Variants in PHTF2 observed in about 807,000 individuals in gnomAD.
PHTF2 encodes the protein putative homeodomain transcription factor 2.
A neutral mutation model predicts 101.2 loss-of-function variants in PHTF2; 60 were observed. That is an observed-to-expected ratio of 0.59 (90% confidence interval 0.48 to 0.73). The LOEUF (loss-of-function observed/expected upper bound fraction) is 0.73. PHTF2 is among the 30% of genes least tolerant of loss of function. The pLI, the probability that PHTF2 is intolerant of heterozygous loss-of-function variation, is 0.00. For synonymous variants in PHTF2, 311 were observed against 307.3 expected, an observed-to-expected ratio of 1.01 and a Z score of -0.13; for missense variants, 747 against 908.7, an observed-to-expected ratio of 0.82 and a Z score of 2.29.
chr7:77,927,177 A>AAAAAATAT (rs1554388762), intron 11 of PHTF2, among the ~76,000 whole-genome samples: 6 of 78,158 alleles, frequency 7.7e-5, no homozygotes, highest in Non-Finnish European at 1.2e-4. Flanking sequence ...AAAAAAAAAA[A>AAAAAATAT]ATATATATAT....
At chr7:77,868,246 A>G (rs768304816) in intron 3 of PHTF2, among the ~76,000 whole-genome samples, 45 of 151,304 alleles carry the variant, frequency 3.0e-4, no homozygotes, top group Non-Finnish European at 4.7e-4. Flanking sequence ...GAGCTCAAGC[A>G]GTCTTCCTGC....
chr7:77,939,956 A>G (rs1805501700), intron 13 of PHTF2, 74 bp from the exon 13 acceptor site: 4 of 1,095,708 alleles, frequency 3.7e-6, no homozygotes, highest in Non-Finnish European at 3.9e-6. Flanking sequence ...ATTGCTATAA[A>G]TAATTCTACT....
exon 20 of PHTF2, chr7:77,956,355 GA>G (rs1237895481): frequency 6.6e-6 from 1 of 152,524 alleles, no homozygotes; most frequent in African/African-American, 2.4e-5. Context: ...AATGTGTGGA[GA>G]ACAGAGCCAT....
chr7:77,922,531 T>C, intron 10 of PHTF2, 92 bp from the exon 10 acceptor site: 1 of 932,662 alleles, frequency 1.1e-6, no homozygotes, highest in Admixed American at 2.8e-5. Context: ...GTTGTGTGTA[T>C]ATATGTATGT....
At chr7:77,825,009 G>T (rs965128200) in intron 1 of PHTF2, among the ~76,000 whole-genome samples, 1 of 152,152 alleles carries the variant, frequency 6.6e-6, no homozygotes, top group African/African-American at 2.4e-5. Context: ...CTGCATTCCA[G>T]CCTGGGTGAC....
intron 1 of PHTF2, among the ~76,000 whole-genome samples, chr7:77,813,223 T>C (rs781748388): frequency 1.3e-5 from 2 of 152,110 alleles, no homozygotes; most frequent in African/African-American, 2.4e-5. Flanking sequence ...GTGCAAAAAC[T>C]GAGCTCAGGG....
chr7:77,857,648 T>C lies in PHTF2; in HGVS notation c.147+2814T>C, dbSNP rs574452823. Reference sequence around the variant, plus strand: ...TCAAAAACCTTCCGTCACAACCATCTGATGGTAACCACCATATGAGGCAGT... The same window carrying C: ...TCAAAAACCTTCCGTCACAACCATCCGATGGTAACCACCATATGAGGCAGT... On this transcript the variant is annotated intron_variant, in intron 3 of 19. Transcript: ENST00000416283. Among the ~76,000 whole-genome samples, 6 of 152,338 alleles carry C rather than the reference T, an allele frequency of 3.9e-5. No homozygotes were observed. The East Asian group carries it at 9.6e-4, about 24-fold the overall frequency.
exon 20 of PHTF2, chr7:77,954,935 T>A: frequency 1.1e-6 from 1 of 946,840 alleles, no homozygotes; most frequent in Non-Finnish European, 1.6e-6. Context: ...CTGACTAAGC[T>A]GCCTGAAAGC....
chr7:77,942,636 A>T, intron 15 of PHTF2, 64 bp from the exon 15 acceptor site: 1 of 872,994 alleles, frequency 1.1e-6, no homozygotes. Context: ...CATGGAAATT[A>T]TCTGCTGATT....
At chr7:77,955,748 T>C (rs1425201934) in exon 20 of PHTF2, 2 of 152,596 alleles carry the variant, frequency 1.3e-5, no homozygotes, top group Non-Finnish European at 2.9e-5. Flanking sequence ...TTTACTCAAG[T>C]AAATAATTTT....
Position 77,853,092 on chromosome 7 carries a change from C to CT in PHTF2, c.46-1639dup, listed in dbSNP as rs1411159536. 1.4e-4 allele frequency among the ~76,000 whole-genome samples: 21 copies of CT among 152,154 alleles called. No homozygotes were observed. The East Asian group carries it at 3.9e-3, about 28-fold the overall frequency. On this transcript the variant is annotated intron_variant, in intron 2 of 19. Coordinates refer to ENST00000416283, the Ensembl canonical transcript of PHTF2. ...TTACATCTGCTTGTTGTTCTACGAC[C>CT]TTCTTATACTTGAATATTGATATCT... is the stretch of plus-strand genomic sequence containing the variant.
intron 3 of PHTF2, among the ~76,000 whole-genome samples, chr7:77,891,957 G>A (rs1176123731): frequency 6.6e-6 from 1 of 152,186 alleles, no homozygotes; most frequent in African/African-American, 2.4e-5. Flanking sequence ...TACAGGACCA[G>A]AAGAATTAAT....
intron 2 of PHTF2, among the ~76,000 whole-genome samples, chr7:77,847,207 G>T (rs1284543122): frequency 1.3e-5 from 2 of 152,132 alleles, no homozygotes; most frequent in Non-Finnish European, 2.9e-5. Flanking sequence ...GATGGGGTAT[G>T]GCTTTCTATA....
chr7:77,804,610 G>A (rs2150465778), intron 1 of PHTF2, among the ~76,000 whole-genome samples: 1 of 152,344 alleles, frequency 6.6e-6, no homozygotes, highest in Non-Finnish European at 1.5e-5. Context: ...ACAGGCGTGA[G>A]CCACTATGCC....
intron 3 of PHTF2, among the ~76,000 whole-genome samples, chr7:77,868,301 C>CAAGT (rs1446486895): frequency 6.8e-6 from 1 of 147,278 alleles, no homozygotes; most frequent in African/African-American, 2.5e-5. Context: ...CACCACCTCG[C>CAAGT]AAGTGGCTAA....
intron 2 of PHTF2, among the ~76,000 whole-genome samples, chr7:77,845,720 T>G (rs1303399346): frequency 2.6e-5 from 4 of 152,182 alleles, no homozygotes; most frequent in African/African-American, 9.7e-5. Flanking sequence ...TTGCCTAAGA[T>G]TGCACAGATG....
intron 9 of PHTF2, among the ~76,000 whole-genome samples, chr7:77,912,675 T>A (rs905108087): frequency 3.4e-5 from 5 of 148,488 alleles, no homozygotes; most frequent in African/African-American, 1.2e-4. Flanking sequence ...ATATATATAT[T>A]TTTAACCTAT....
At chr7:77,836,144 GGAA>G (rs1169323546) in intron 1 of PHTF2, among the ~76,000 whole-genome samples, 1 of 144,418 alleles carries the variant, frequency 6.9e-6, no homozygotes, top group African/African-American at 2.6e-5. Flanking sequence ...AAAAAGAAGA[GGAA>G]GAAGAAGAGA....
chr7:77,941,744 C>T (rs781367659), intron 15 of PHTF2, among the ~76,000 whole-genome samples: 5 of 152,168 alleles, frequency 3.3e-5, no homozygotes, highest in Non-Finnish European at 5.9e-5. Flanking sequence ...CATCTTCTAC[C>T]TCATGCTACT....
Sources: allele counts gnomAD v4.1 joint callset (sites outside exome capture counted in the v4.1 genomes callset), GRCh38; gene constraint gnomAD v4.1.1; transcripts MANE v1.5; gene names NCBI Gene and HGNC (gene_info 2026-07-23, HGNC 2026-07-21).